Variants in RIT2 observed in about 807,000 individuals in gnomAD.
RIT2 encodes GTP-binding protein Rit2.
RIT2 carries 24 observed loss-of-function variants against 23.7 expected under a neutral mutation model. That is an observed-to-expected ratio of 1.01 (90% CI 0.73 to 1.43). The LOEUF is 1.43. RIT2 is among the 40% of genes most tolerant of loss of function. The pLI is 0.00. For missense variants in RIT2, 236 were observed against 266.9 expected (o/e 0.88, Z 0.81); for synonymous variants, 107 against 91.1 (o/e 1.17, Z -0.99).
chr18:42,895,458 C>A (rs545545604), intron 4 of RIT2, among the ~76,000 whole-genome samples: 4 of 152,240 alleles, frequency 2.6e-5, no homozygotes, highest in African/African-American at 9.6e-5. Context: ...CTTTCAAATA[C>A]ATATTATTAT....
chr18:43,042,670 C>T (rs1425089847), intron 1 of RIT2, among the ~76,000 whole-genome samples: 1 of 152,112 alleles, frequency 6.6e-6, no homozygotes. Context: ...TAGTATGTGT[C>T]AGACGCTGTT....
intron 3 of RIT2, among the ~76,000 whole-genome samples, chr18:42,972,575 T>G (rs1157171719): frequency 6.6e-6 from 1 of 151,904 alleles, no homozygotes; most frequent in Non-Finnish European, 1.5e-5. Flanking sequence ...AGAACTCTAA[T>G]AGAACATGAA....
At chr18:42,762,917 A>G (rs1021200963) in intron 4 of RIT2, among the ~76,000 whole-genome samples, 2 of 152,218 alleles carry the variant, frequency 1.3e-5, no homozygotes, top group Non-Finnish European at 2.9e-5. Flanking sequence ...GCAATGTGTC[A>G]CTTAATGATG....
intron 4 of RIT2, among the ~76,000 whole-genome samples, chr18:42,907,610 G>GA (rs1302519908): frequency 2.0e-5 from 3 of 152,046 alleles, no homozygotes; most frequent in Non-Finnish European, 4.4e-5. Context: ...CCAAAAACCA[G>GA]AAAAAATCAC....
intron 4 of RIT2, among the ~76,000 whole-genome samples, chr18:42,788,201 T>C (rs1218377734): frequency 6.6e-6 from 1 of 152,174 alleles, no homozygotes; most frequent in Non-Finnish European, 1.5e-5. Context: ...ACAGCTAGAT[T>C]CTTATATCTG....
At chr18:43,058,147 A>C (rs539141534) in intron 1 of RIT2, among the ~76,000 whole-genome samples, 3 of 152,148 alleles carry the variant, frequency 2.0e-5, no homozygotes, top group East Asian at 3.9e-4. Context: ...TTAGAAGCAC[A>C]AGCTTGGTTG....
Position 43,115,534 on chromosome 18 carries a change from C to T in RIT2, c.-15G>A, listed in dbSNP as rs16977275. 6.7e-3 allele frequency: 10,796 copies of T among 1,599,718 alleles called. 221 individuals carry two copies. In the African/African-American group the frequency reaches 0.071, roughly 10 times the overall value. On this transcript the variant is annotated 5_prime_UTR_variant, in exon 1 of 5. Coordinates refer to ENST00000326695, the MANE Select transcript of RIT2 (RefSeq NM_002930.4). The stretch of plus-strand genomic sequence containing the variant: ...TCTACCTCCATCTTACCCGAGGGAC[C>T]GGAGGAAAAAAAGAAGGAGAAAGTC...
chr18:42,788,122 A>G (rs1368779820), intron 4 of RIT2, among the ~76,000 whole-genome samples: 2 of 152,142 alleles, frequency 1.3e-5, no homozygotes, highest in East Asian at 1.9e-4. Flanking sequence ...ACAATTTGCA[A>G]ACAAAAATAT....
intron 2 of RIT2, among the ~76,000 whole-genome samples, chr18:43,033,472 TCAATTTTATTATCCAGAGTA>T (rs1165262179): frequency 6.6e-6 from 1 of 152,140 alleles, no homozygotes; most frequent in Non-Finnish European, 1.5e-5. Context: ...TATAATCACA[TCAATTTTATTATCCAGAGTA>T]CAATTTTATT....
intron 1 of RIT2, among the ~76,000 whole-genome samples, chr18:43,041,327 C>A (rs1479184724): frequency 2.0e-5 from 3 of 151,980 alleles, no homozygotes; most frequent in Non-Finnish European, 4.4e-5. Flanking sequence ...ACTCAATAGC[C>A]CTTTGCTTTA....
intron 4 of RIT2, among the ~76,000 whole-genome samples, chr18:42,757,753 C>T (rs1913198569): frequency 6.6e-6 from 1 of 152,072 alleles, no homozygotes; most frequent in Non-Finnish European, 1.5e-5. Context: ...TCGTTTAGTT[C>T]TTCAAATCCT....
chr18:42,882,014 A>C (rs2084114177), intron 4 of RIT2, among the ~76,000 whole-genome samples: 1 of 152,214 alleles, frequency 6.6e-6, no homozygotes, highest in South Asian at 2.1e-4. Flanking sequence ...TTTCTACAGA[A>C]TATAAGCATT....
At chr18:43,089,651 A>G (rs974577023) in intron 1 of RIT2, among the ~76,000 whole-genome samples, 3 of 152,088 alleles carry the variant, frequency 2.0e-5, no homozygotes, top group Admixed American at 1.3e-4. Flanking sequence ...TTACAGGGCT[A>G]CAGTAACCAA....
rs1297829972 is a variant in RIT2 at position 42,988,412 on chromosome 18, C to T, written c.161-14265G>A. 1.3e-5 allele frequency among the ~76,000 whole-genome samples: 2 copies of T among 152,072 alleles called. 1 individual carries two copies. Among genetic ancestry groups the T allele is most frequent in the South Asian group, 4.1e-4 (2 of 4,828 alleles). ...ATAACAATTGTATTTCAGATAATGA[C>T]AATTTCTAGATAATTAGTCTTCATA... is the stretch of plus-strand genomic sequence containing the variant. On this transcript the variant is annotated intron_variant, in intron 2 of 4. Transcript: ENST00000326695.
Position 43,026,971 on chromosome 18 carries a change from A to G in RIT2, c.160+6840T>C, listed in dbSNP as rs906268389. 6.6e-5 allele frequency among the ~76,000 whole-genome samples: 10 copies of G among 152,298 alleles called. No individual in the cohort carries two copies. The East Asian group carries it at 1.9e-3, about 30-fold the overall frequency. ...CTTAGGTAAACAGGAAGAACCAGAC[A>G]GTGTCAGAAAAGCTGTTACAGAAGT... On this transcript the variant is annotated intron_variant, in intron 2 of 4. Transcript: ENST00000326695.
intron 2 of RIT2, among the ~76,000 whole-genome samples, chr18:43,000,557 G>A (rs1188456513): frequency 2.6e-5 from 4 of 151,996 alleles, no homozygotes; most frequent in Admixed American, 6.6e-5. Flanking sequence ...GTTTCGCTCT[G>A]TGTCCTCGCC....
intron 4 of RIT2, among the ~76,000 whole-genome samples, chr18:42,796,291 T>G (rs2143954755): frequency 6.6e-6 from 1 of 152,204 alleles, no homozygotes; most frequent in East Asian, 1.9e-4. Flanking sequence ...CGTGAAGGTC[T>G]GTGGCTTCAC....
chr18:42,908,475 AACT>A (rs1183768669), intron 4 of RIT2, among the ~76,000 whole-genome samples: 1 of 152,180 alleles, frequency 6.6e-6, no homozygotes, highest in East Asian at 1.9e-4. Flanking sequence ...TTAAACCTAA[AACT>A]ACACCAATCA....
intron 4 of RIT2, among the ~76,000 whole-genome samples, chr18:42,878,680 A>C (rs987837979): frequency 6.6e-6 from 1 of 151,764 alleles, no homozygotes; most frequent in East Asian, 1.9e-4. Flanking sequence ...CCCCATTGGC[A>C]ACAACTTTCA....
Sources: allele counts gnomAD v4.1 joint callset (sites outside exome capture counted in the v4.1 genomes callset), GRCh38; gene constraint gnomAD v4.1.1; transcripts MANE v1.5; gene names NCBI Gene and HGNC (gene_info 2026-07-23, HGNC 2026-07-21).